The following PRDM9 variants were observed in gnomAD, a reference collection of about 807,000 sequenced individuals.
PRDM9 encodes histone-lysine N-methyltransferase PRDM9.
Under a neutral mutation model 55.6 loss-of-function variants are expected in PRDM9, and 47 were observed. The ratio of observed to expected loss-of-function variants is 0.85; its 90% confidence interval spans 0.67 to 1.08. PRDM9 has a LOEUF of 1.08. PRDM9 is among the 50% of genes least tolerant of loss of function. The pLI is 0.00. For missense variants in PRDM9, 867 were observed against 1,040.3 expected (o/e 0.83, Z 2.29); for synonymous variants, 312 against 375.7 (o/e 0.83, Z 1.96).
At chr5:23,515,153 C>G (rs893310644) in intron 4 of PRDM9, among the ~76,000 whole-genome samples, 17 of 151,568 alleles carry the variant, frequency 1.1e-4, no homozygotes, top group Non-Finnish European at 8.8e-5. Flanking sequence ...TTAGTAGAGA[C>G]AGGGTTTCAC....
At chr5:23,522,495 CTAATGAATTAGAGTACAGGA>C (rs1739347795) in intron 7 of PRDM9, 90 bp downstream of exon 7, 1 of 1,584,418 alleles carries the variant, frequency 6.3e-7, no homozygotes, top group Admixed American at 1.7e-5. Flanking sequence ...TTCCCTTACT[CTAATGAATTAGAGTACAGGA>C]TTAGGGCTAA....
intron 6 of PRDM9, among the ~76,000 whole-genome samples, chr5:23,521,722 C>T (rs1739331405): frequency 6.6e-6 from 1 of 152,116 alleles, no homozygotes. Flanking sequence ...GCACTGGGGC[C>T]TTGGGCAAAT....
intron 5 of PRDM9, among the ~76,000 whole-genome samples, chr5:23,519,468 A>C (rs1390945695): frequency 6.6e-6 from 1 of 151,370 alleles, no homozygotes; most frequent in East Asian, 2.0e-4. Flanking sequence ...TCCTGGGTTC[A>C]AGTTGTTCTC....
At chr5:23,512,823 A>G (rs1382907638) in intron 4 of PRDM9, among the ~76,000 whole-genome samples, 2 of 152,184 alleles carry the variant, frequency 1.3e-5, no homozygotes, top group African/African-American at 4.8e-5. Context: ...TTCTGTTTCT[A>G]TAAATTTGAT....
Position 23,510,039 on chromosome 5 carries a change from G to C in PRDM9, c.301+12G>C. 6.4e-7 allele frequency: 1 copy of C among 1,553,658 alleles called. No individual in the cohort carries two copies. The highest frequency in any genetic ancestry group is 8.9e-7 in the Non-Finnish European group (1 of 1,129,594). ...CCCTAGGCAGCAAGGTAAGAGGGAA[G>C]GGAAGTAGGATTTTTTTTTTTTTTT... On this transcript the variant is annotated intron_variant, in intron 4 of 10. Coordinates refer to ENST00000296682, the MANE Select transcript of PRDM9 (RefSeq NM_020227.4).
At chr5:23,510,474 C>T (rs1739072952) in intron 4 of PRDM9, among the ~76,000 whole-genome samples, 1 of 151,940 alleles carries the variant, frequency 6.6e-6, no homozygotes, top group Non-Finnish European at 1.5e-5. Context: ...TCTCCCACCT[C>T]AGCTTCTCGA....
intron 4 of PRDM9, 112 bp downstream of exon 4, chr5:23,510,139 C>T (rs1487485786): frequency 1.9e-6 from 2 of 1,078,920 alleles, no homozygotes; most frequent in Admixed American, 2.3e-5. Flanking sequence ...ACTGCAATCT[C>T]CACCTCCCAG....
chr5:23,524,434 T>C lies in PRDM9; in HGVS notation c.1051T>C (p.Cys351Arg). ...YRTCRVIRPG[C>R]ELLVWYGDEY... ...AACCTGCCGAGTCATTAGGCCAGGCTGTGAACTGCTGGTCTGGTATGGGGA... is the reference window on the plus strand; with the variant it reads ...AACCTGCCGAGTCATTAGGCCAGGCCGTGAACTGCTGGTCTGGTATGGGGA... The change falls in exon 10 of 11, where the codon TGT (cysteine) becomes CGT (arginine). Residue 351 changes from cysteine (C) to arginine (R), a missense_variant. Cys to Arg is a radical substitution (Grantham distance 180). Coordinates refer to ENST00000296682, the MANE Select transcript of PRDM9 (RefSeq NM_020227.4). 1 of 1,613,986 alleles carries C rather than the reference T, an allele frequency of 6.2e-7. No individual in the cohort carries two copies. The highest frequency in any genetic ancestry group is 1.1e-5 in the South Asian group (1 of 91,072).
At chr5:23,523,003 T>C in intron 8 of PRDM9, 118 bp downstream of exon 8, 1 of 1,548,210 alleles carries the variant, frequency 6.5e-7, no homozygotes, top group Non-Finnish European at 8.9e-7. Context: ...TAGCTCTGTG[T>C]ACTCAAGGTT....
chr5:23,522,856 G>A lies in PRDM9; in HGVS notation c.853G>A (p.Glu285Lys). Reference protein sequence around the residue: ...PYEGRITEDEEAANNGYSWLI... With the variant: ...PYEGRITEDEKAANNGYSWLI... ...TGAGGGCCGAATTACAGAAGACGAA[G>A]AGGCAGCCAACAATGGATACTCCTG... The change falls in exon 8 of 11, where the codon GAG (glutamate) becomes AAG (lysine). Residue 285 changes from glutamate (E) to lysine (K), a missense_variant. Transcript: ENST00000296682. The A allele has an allele frequency of 6.2e-7, 1 of 1,614,266 alleles. No individual in the cohort carries two copies. The highest frequency in any genetic ancestry group is 8.5e-7 in the Non-Finnish European group (1 of 1,180,048).
chr5:23,527,724 A>G lies in PRDM9; in HGVS notation c.2636A>G (p.Gln879Arg), dbSNP rs369445995. Residue 879 changes from glutamine (Q) to arginine (R), a missense_variant, in exon 11 of 11, where the codon CAG becomes CGG. Transcript: ENST00000296682. Reference sequence around the variant, plus strand: ...GATAGGTCAAGCCTCTGCTATCACCAGAGGACACACACAGGGGAGAAGCCC... The same window carrying G: ...GATAGGTCAAGCCTCTGCTATCACCGGAGGACACACACAGGGGAGAAGCCC... ...FSDRSSLCYH[Q>R]RTHTGEKPYV... is the part of the protein sequence containing the mutation. The G allele has an allele frequency of 5.6e-6, 9 of 1,613,618 alleles. No homozygotes were observed. The Admixed American group carries it at 1.3e-4, about 24-fold the overall frequency.
intron 4 of PRDM9, among the ~76,000 whole-genome samples, chr5:23,514,719 A>G (rs1340679940): frequency 6.6e-6 from 1 of 152,082 alleles, no homozygotes; most frequent in Non-Finnish European, 1.5e-5. Context: ...CTGGGATTAT[A>G]GGCATGAGCC....
intron 3 of PRDM9, 66 bp downstream of exon 3, chr5:23,509,659 A>T (rs1739051982): frequency 3.7e-6 from 6 of 1,611,416 alleles, no homozygotes; most frequent in Non-Finnish European, 5.1e-6. Flanking sequence ...TCCCTATATT[A>T]TTTTAGTTCT....
chr5:23,509,594 G>A lies in PRDM9; in HGVS notation c.193+1G>A. The A allele has an allele frequency of 7.4e-6, 12 of 1,614,192 alleles. No individual in the cohort carries two copies. Among genetic ancestry groups the A allele is most frequent in the Non-Finnish European group, 9.3e-6 (11 of 1,180,038 alleles). ...AACTATAATGCACTGATTACTATAG[G>A]TAACAGGAAGTGCTGGGCACAGACC... On this transcript the variant is annotated splice_donor_variant, in intron 3 of 10. Coordinates refer to ENST00000296682, the MANE Select transcript of PRDM9 (RefSeq NM_020227.4). LOFTEE classifies it high-confidence loss of function.
chr5:23,521,585 A>G (rs1739329343), intron 6 of PRDM9, among the ~76,000 whole-genome samples: 1 of 152,158 alleles, frequency 6.6e-6, no homozygotes, highest in Non-Finnish European at 1.5e-5. Context: ...AGATCTGCTC[A>G]CTTCAGCCTC....
chr5:23,510,917 G>A (rs1739082395), intron 4 of PRDM9, among the ~76,000 whole-genome samples: 1 of 151,614 alleles, frequency 6.6e-6, no homozygotes. Flanking sequence ...AGGCCAAGGT[G>A]GTCGTATCAC....
chr5:23,510,807 G>A (rs1469791548), intron 4 of PRDM9, among the ~76,000 whole-genome samples: 1 of 151,852 alleles, frequency 6.6e-6, no homozygotes, highest in African/African-American at 2.4e-5. Flanking sequence ...AAAGTGCTAG[G>A]ATTACAGGCA....
intron 3 of PRDM9, 42 bp downstream of exon 3, chr5:23,509,635 A>G: frequency 1.2e-6 from 2 of 1,613,960 alleles, no homozygotes; most frequent in Non-Finnish European, 1.7e-6. Context: ...GGGAGACATA[A>G]AACAGGTCTT....
Position 23,526,658 on chromosome 5 carries a change from G to A in PRDM9, c.1570G>A (p.Val524Ile). ...VGVGISRIAK[V>I]KYGECGQGFS... ...GGTAGGAATCTCAAGAATTGCAAAA[G>A]TCAAGTATGGAGAGTGTGGACAAGG... Residue 524 changes from valine (V) to isoleucine (I), a missense_variant, in exon 11 of 11, where the codon GTC (valine) becomes ATC (isoleucine). By Grantham distance (29) the Val-to-Ile change is conservative (BLOSUM62 3). Coordinates refer to ENST00000296682, the MANE Select transcript of PRDM9 (RefSeq NM_020227.4). The A allele has an allele frequency of 6.2e-7, 1 of 1,614,236 alleles. No individual in the cohort carries two copies. Among genetic ancestry groups the A allele is most frequent in the East Asian group, 2.2e-5 (1 of 44,886 alleles).
Sources: allele counts gnomAD v4.1 joint callset (sites outside exome capture counted in the v4.1 genomes callset), GRCh38; gene constraint gnomAD v4.1.1; transcripts MANE v1.5; gene names NCBI Gene and HGNC (gene_info 2026-07-23, HGNC 2026-07-21).